The following STK3 variants were observed in gnomAD, a reference collection of about 807,000 sequenced individuals.
STK3 encodes the protein serine/threonine kinase 3.
Under a neutral mutation model 58.0 loss-of-function variants are expected in STK3, and 41 were observed. The observed-to-expected ratio is 0.71, with a 90% CI of 0.55 to 0.92. The LOEUF (loss-of-function observed/expected upper bound fraction) is 0.92. Among genes scored for constraint, STK3 ranks in the 40% least tolerant of loss-of-function variants. STK3 has a pLI of 0.00. For synonymous variants in STK3, 170 were observed against 191.0 expected (o/e 0.89, Z 0.91); for missense variants, 479 against 602.7 (o/e 0.79, Z 2.15).
rs10100346 is a variant in STK3 at position 98,529,287 on chromosome 8, G to T, written c.1142-2370C>A. 8.6e-5 allele frequency among the ~76,000 whole-genome samples: 13 copies of T among 151,792 alleles called. No homozygotes were observed. In the South Asian group the frequency reaches 1.2e-3, roughly 15 times the overall value. On this transcript the variant is annotated intron_variant, in intron 9 of 10. Coordinates refer to ENST00000419617, the MANE Select transcript of STK3 (RefSeq NM_006281.4). The stretch of plus-strand genomic sequence containing the variant: ...TTAATCAAACTTCAAAAAACAAAAG[G>T]GGGGGGGACGGAGATTGAACTGACA...
chr8:98,695,989 C>T (rs1735225619), intron 6 of STK3, among the ~76,000 whole-genome samples: 1 of 151,948 alleles, frequency 6.6e-6, no homozygotes, highest in South Asian at 2.1e-4. Flanking sequence ...ATTCTTCCTA[C>T]CCATGAGCAT....
At chr8:98,640,391 G>C (rs1819931197) in intron 6 of STK3, among the ~76,000 whole-genome samples, 1 of 152,076 alleles carries the variant, frequency 6.6e-6, no homozygotes, top group South Asian at 2.1e-4. Context: ...ACACAAAATT[G>C]TGGCAAAACT....
intron 6 of STK3, among the ~76,000 whole-genome samples, chr8:98,678,576 T>C (rs1823393194): frequency 6.6e-6 from 1 of 152,140 alleles, no homozygotes; most frequent in East Asian, 1.9e-4. Context: ...TTATTTCACT[T>C]TAGCAATTTT....
At chr8:98,377,668 C>T (rs960276927) in intron 2 of STK3, among the ~76,000 whole-genome samples, 6 of 152,262 alleles carry the variant, frequency 3.9e-5, no homozygotes, top group Non-Finnish European at 5.9e-5. Flanking sequence ...GCACTTCCCT[C>T]TTATGGGCCA....
chr8:98,413,398 G>A (rs1818077408), intron 3 of STK3: 2 of 550,852 alleles, frequency 3.6e-6, no homozygotes, highest in Non-Finnish European at 3.6e-6. Context: ...CTTGGCTACA[G>A]TTAAGCTATT....
intron 10 of STK3, among the ~76,000 whole-genome samples, chr8:98,521,835 G>A (rs1398401555): frequency 6.6e-6 from 1 of 151,976 alleles, no homozygotes; most frequent in Non-Finnish European, 1.5e-5. Context: ...TCAATGCTTA[G>A]ACAAAGTCCT....
At chr8:98,939,305 G>A (rs1840309144) in intron 1 of STK3, among the ~76,000 whole-genome samples, 1 of 152,194 alleles carries the variant, frequency 6.6e-6, no homozygotes, top group South Asian at 2.1e-4. Flanking sequence ...CTAGGTTAGT[G>A]GTTCTCAAAC....
At chr8:98,442,177 C>T (rs1818720367) in intron 1 of STK3, among the ~76,000 whole-genome samples, 2 of 152,158 alleles carry the variant, frequency 1.3e-5, no homozygotes, top group South Asian at 4.1e-4. Context: ...TGGGATCTGC[C>T]CTCTCTTCTC....
At chr8:98,795,890 G>C (rs117934935) in intron 1 of STK3, among the ~76,000 whole-genome samples, 137 of 152,076 alleles carry the variant, frequency 9.0e-4, no homozygotes, top group Non-Finnish European at 1.6e-3. Flanking sequence ...TAACCAAGGG[G>C]ATGAAGGATC....
At chr8:98,406,725 C>T (rs1434325864) in intron 3 of STK3, among the ~76,000 whole-genome samples, 1 of 152,248 alleles carries the variant, frequency 6.6e-6, no homozygotes, top group South Asian at 2.1e-4. Flanking sequence ...GCGCCTACCA[C>T]AGAGGCTGGA....
intron 4 of STK3, among the ~76,000 whole-genome samples, chr8:98,718,359 C>G (rs1285481331): frequency 6.6e-6 from 1 of 152,110 alleles, no homozygotes; most frequent in African/African-American, 2.4e-5. Flanking sequence ...GAGAGACAGG[C>G]AAGGACCAGA....
intron 10 of STK3, among the ~76,000 whole-genome samples, chr8:98,469,064 G>A (rs111922914): frequency 0.018 from 2,682 of 151,738 alleles, 79 homozygotes; most frequent in African/African-American, 0.062. Flanking sequence ...AGCTAGGATC[G>A]TGCCACTGCA....
At chr8:98,353,355 G>T in the STK3 span, among the ~76,000 whole-genome samples, 2 of 152,090 alleles carry the variant, frequency 1.3e-5, 1 homozygote, top group South Asian at 4.1e-4. Flanking sequence ...TCTGGGTGTG[G>T]TTGTGCATGC....
At chr8:98,889,252 C>T (rs1838107914) in intron 1 of STK3, among the ~76,000 whole-genome samples, 1 of 152,194 alleles carries the variant, frequency 6.6e-6, no homozygotes, top group African/African-American at 2.4e-5. Context: ...AACAAACAAA[C>T]ATGCAAAGAT....
intron 3 of STK3, among the ~76,000 whole-genome samples, chr8:98,858,518 A>C (rs911702691): frequency 2.0e-5 from 3 of 151,096 alleles, no homozygotes; most frequent in African/African-American, 7.3e-5. Flanking sequence ...GTTTAACCGA[A>C]AAAGGTTGAA....
intron 1 of STK3, chr8:98,438,712 CTGTGTGTGTGTGTG>C (rs55749428): frequency 2.0e-5 from 3 of 150,556 alleles, no homozygotes; most frequent in Non-Finnish European, 4.4e-5. Context: ...GTGTGAGTCT[CTGTGTGTGTGTGTG>C]TGTGTGTGTC....
chr8:98,718,423 C>T (rs6988087), intron 4 of STK3, among the ~76,000 whole-genome samples: 63,396 of 151,872 alleles, frequency 0.42, 13,840 homozygotes, highest in African/African-American at 0.51. Context: ...CTGAAAATTC[C>T]GGTACTTCCA....
upstream of STK3, among the ~76,000 whole-genome samples, chr8:98,389,919 C>A (rs373192474): frequency 6.6e-6 from 1 of 151,804 alleles, no homozygotes; most frequent in East Asian, 1.9e-4. Context: ...AGATGGGATG[C>A]GACTGAGCAG....
chr8:98,923,682 T>C (rs537848034), intron 1 of STK3, among the ~76,000 whole-genome samples: 23 of 152,014 alleles, frequency 1.5e-4, no homozygotes, highest in Non-Finnish European at 2.5e-4. Flanking sequence ...ACCAGAGATA[T>C]AAATAAGATG....
Sources: allele counts gnomAD v4.1 joint callset (sites outside exome capture counted in the v4.1 genomes callset), GRCh38; gene constraint gnomAD v4.1.1; transcripts MANE v1.5; gene names NCBI Gene and HGNC (gene_info 2026-07-23, HGNC 2026-07-21).